Variants in PCDHA12 observed in about 807,000 individuals in gnomAD.
The protein encoded by PCDHA12 is protocadherin alpha-12.
PCDHA12 carries 44 observed loss-of-function variants against 60.0 expected under a neutral mutation model. The observed-to-expected ratio is 0.73, with a 90% confidence interval of 0.58 to 0.94. The LOEUF (loss-of-function observed/expected upper bound fraction) is 0.94, where lower values mean the gene tolerates loss of function less well. Among genes scored for constraint, PCDHA12 ranks in the 40% least tolerant of loss-of-function variants. The pLI, the probability that PCDHA12 is intolerant of heterozygous loss-of-function variation, is 0.00. For missense variants in PCDHA12, 1,276 were observed against 1,239.7 expected, an observed-to-expected ratio of 1.03 and a Z score of -0.44; for synonymous variants, 569 against 553.0, an observed-to-expected ratio of 1.03 and a Z score of -0.40.
intron 1 of PCDHA12, among the ~76,000 whole-genome samples, chr5:140,899,492 T>A (rs1325439071): frequency 3.9e-5 from 6 of 152,338 alleles, no homozygotes; most frequent in Admixed American, 3.3e-4. Context: ...CTGGATTACA[T>A]TTATTGATTT....
At chr5:140,966,955 C>T in intron 1 of PCDHA12, 1 of 1,602,734 alleles carries the variant, frequency 6.2e-7, no homozygotes, top group East Asian at 2.2e-5. Context: ...ACGTGGCTCG[C>T]GCGCTGGGGC....
Position 140,885,793 on chromosome 5 carries a change from A to G in PCDHA12, c.2367+7954A>G, listed in dbSNP as rs541928241. On this transcript the variant is annotated intron_variant, in intron 1 of 3. Coordinates refer to ENST00000398631, the MANE Select transcript of PCDHA12 (RefSeq NM_018903.4). ...TATTAGTGAATTTGAGCATATTGTCATATGTATTTTGTTGATTTGTATTTG... is the reference window on the plus strand; with the variant it reads ...TATTAGTGAATTTGAGCATATTGTCGTATGTATTTTGTTGATTTGTATTTG... Among the ~76,000 whole-genome samples the G allele has an allele frequency of 2.0e-5, 3 of 152,162 alleles. No homozygotes were observed. The South Asian group carries it at 6.2e-4, about 32-fold the overall frequency.
intron 1 of PCDHA12, among the ~76,000 whole-genome samples, chr5:140,892,180 T>C (rs1176959692): frequency 6.6e-6 from 1 of 152,224 alleles, no homozygotes; most frequent in African/African-American, 2.4e-5. Context: ...GGGATCCTCA[T>C]GGGTCTATTC....
At chr5:141,004,054 G>A (rs2098150015) in intron 3 of PCDHA12, among the ~76,000 whole-genome samples, 1 of 152,216 alleles carries the variant, frequency 6.6e-6, no homozygotes, top group Admixed American at 6.5e-5. Flanking sequence ...TGCTGATACT[G>A]GCCCCTGGTT....
intron 1 of PCDHA12, chr5:140,969,386 C>T (rs782109093): frequency 2.5e-6 from 4 of 1,596,966 alleles, no homozygotes; most frequent in South Asian, 1.1e-5. Flanking sequence ...TACACATCCC[C>T]CAATATCCTG....
At chr5:140,986,371 G>C (rs1453761888) in intron 3 of PCDHA12, among the ~76,000 whole-genome samples, 1 of 152,116 alleles carries the variant, frequency 6.6e-6, no homozygotes, top group Non-Finnish European at 1.5e-5. Flanking sequence ...AATGCGTTTT[G>C]GGGGGAGGGA....
chr5:140,924,165 C>G (rs782754845), intron 1 of PCDHA12, among the ~76,000 whole-genome samples: 5 of 152,230 alleles, frequency 3.3e-5, no homozygotes, highest in Admixed American at 1.3e-4. Context: ...ATCCTAATCT[C>G]TGGCACTGAA....
At chr5:140,967,060 G>T in intron 1 of PCDHA12, 1 of 1,612,802 alleles carries the variant, frequency 6.2e-7, no homozygotes, top group Non-Finnish European at 8.5e-7. Flanking sequence ...CGAGTGGAGC[G>T]CTCTTCGTCA....
intron 1 of PCDHA12, chr5:140,928,467 A>G (rs782319281): frequency 6.2e-7 from 1 of 1,614,142 alleles, no homozygotes; most frequent in South Asian, 1.1e-5. Flanking sequence ...ATTTCCAAGT[A>G]GAAGGCCGGG....
chr5:140,960,188 G>A (rs1371016387), intron 1 of PCDHA12, among the ~76,000 whole-genome samples: 7 of 152,132 alleles, frequency 4.6e-5, no homozygotes, highest in Non-Finnish European at 7.4e-5. Flanking sequence ...GGTTGCATGT[G>A]TAGTGGTCAG....
At position 140,875,546 on chromosome 5, in the gene PCDHA12, AGGTGGGGAGCG is replaced by A; in HGVS notation, c.76_86del (p.Val26ProfsTer98). 6.2e-7 allele frequency: 1 copy of A among 1,614,002 alleles called. No homozygotes were observed. Among genetic ancestry groups the A allele is most frequent in the Non-Finnish European group, 8.5e-7 (1 of 1,179,996 alleles). ...TCGCTTCTGCTCCTTGCAGCCTGGG[AGGTGGGGAGCG>A]GCCAGCTCCACTACTCCGTCTACGA... On this transcript the variant is annotated frameshift_variant, in exon 1 of 4. Coordinates refer to ENST00000398631, the MANE Select transcript of PCDHA12 (RefSeq NM_018903.4). LOFTEE classifies it high-confidence loss of function.
intron 1 of PCDHA12, among the ~76,000 whole-genome samples, chr5:140,886,515 G>A (rs1554182564): frequency 3.9e-5 from 6 of 151,972 alleles, no homozygotes; most frequent in Non-Finnish European, 8.8e-5. Flanking sequence ...TGGATTTTAA[G>A]GTCTGCATAT....
At chr5:140,893,264 A>T (rs1554185566) in intron 1 of PCDHA12, among the ~76,000 whole-genome samples, 1 of 152,290 alleles carries the variant, frequency 6.6e-6, no homozygotes, top group African/African-American at 2.4e-5. Context: ...ATAAATGCCC[A>T]ATAGTGGAAT....
Position 140,876,273 on chromosome 5 carries a change from C to T in PCDHA12, c.801C>T (p.Ser267=). 6.2e-7 allele frequency: 1 copy of T among 1,613,982 alleles called. No homozygotes were observed. Among genetic ancestry groups the T allele is most frequent in the South Asian group, 1.1e-5 (1 of 91,082 alleles). ...CAAGAGTGATCCAACTAAATGCTTC[C>T]GATCCAGACGAAGGACTTAATGGAG... ...NDTRVIQLNA[S]DPDEGLNGEI... is the part of the protein sequence containing the mutation. The change falls in exon 1 of 4, where the codon TCC becomes TCT. Residue 267 remains serine (S), a synonymous_variant. Coordinates refer to ENST00000398631, the MANE Select transcript of PCDHA12 (RefSeq NM_018903.4).
chr5:140,926,349 G>A (rs1405832516), intron 1 of PCDHA12: 2 of 152,260 alleles, frequency 1.3e-5, no homozygotes, highest in Admixed American at 1.3e-4. Flanking sequence ...CCCGACGCGC[G>A]GCTCCCAAAG....
In PCDHA12 at chr5:140,877,284, C is replaced by T. The variant is rs1318334277; in HGVS notation, c.1812C>T (p.Asn604=). 3 of 1,613,900 alleles carry T rather than the reference C, an allele frequency of 1.9e-6. No homozygotes were observed. The highest frequency in any genetic ancestry group is 2.5e-6 in the Non-Finnish European group (3 of 1,179,836). The change falls in exon 1 of 4, where the codon AAC becomes AAT. Residue 604 remains asparagine (N), a synonymous_variant. Transcript: ENST00000398631. ...CGGTGGACGCTGACTCCGGCTATAA[C>T]GCTTGGCTGTCCTACGAGTTGCAAC... The part of the protein sequence containing the change: ...VRAVDADSGY[N]AWLSYELQPA...
chr5:140,984,426 G>A (rs781888913), intron 3 of PCDHA12, among the ~76,000 whole-genome samples: 2 of 152,160 alleles, frequency 1.3e-5, no homozygotes, highest in South Asian at 2.1e-4. Flanking sequence ...AGATAGAGAA[G>A]GGGATCTCCC....
At chr5:140,997,062 G>T (rs1159348962) in intron 3 of PCDHA12, among the ~76,000 whole-genome samples, 2 of 151,910 alleles carry the variant, frequency 1.3e-5, no homozygotes, top group African/African-American at 4.8e-5. Flanking sequence ...GCAGTTTTAG[G>T]TTCACAGGAA....
chr5:140,884,656 G>T (rs782439139), intron 1 of PCDHA12: 8 of 1,602,178 alleles, frequency 5.0e-6, no homozygotes, highest in Non-Finnish European at 6.8e-6. Flanking sequence ...CAGAATGCTT[G>T]AAAGAGGTAA....
Sources: gnomAD v4.1 joint callset for allele counts (sites outside exome capture counted in the v4.1 genomes callset) on GRCh38, gnomAD v4.1.1 for gene constraint, MANE v1.5 for transcripts, NCBI Gene and HGNC (gene_info 2026-07-23, HGNC 2026-07-21) for gene names.